The following KMT2C variants were observed in gnomAD, a reference collection of about 807,000 sequenced individuals.
KMT2C encodes lysine methyltransferase 2C.
In KMT2C, 88 loss-of-function variants were observed where a neutral mutation model predicts 507.9. The observed-to-expected ratio is 0.17, with a 90% CI of 0.15 to 0.21. The LOEUF (loss-of-function observed/expected upper bound fraction) is 0.21, where lower values mean the gene tolerates loss of function less well. KMT2C is among the 10% of genes least tolerant of loss of function. The pLI is 1.00. For missense variants in KMT2C, 4,954 were observed against 5,957.8 expected, an observed-to-expected ratio of 0.83 and a Z score of 5.55; for synonymous variants, 2,049 against 2,080.8, an observed-to-expected ratio of 0.98 and a Z score of 0.42.
intron 9 of KMT2C, among the ~76,000 whole-genome samples, chr7:152,261,210 A>G (rs1157224397): frequency 6.6e-6 from 1 of 152,410 alleles, no homozygotes; most frequent in African/African-American, 2.4e-5. Flanking sequence ...AGGCAAAGCA[A>G]AATACCTGCC....
chr7:152,256,200 C>T (rs1286991865), intron 9 of KMT2C, among the ~76,000 whole-genome samples: 1 of 151,902 alleles, frequency 6.6e-6, no homozygotes, highest in Non-Finnish European at 1.5e-5. Flanking sequence ...AACTGCAAAT[C>T]CTAGCAGAAA....
intron 26 of KMT2C, among the ~76,000 whole-genome samples, chr7:152,201,604 C>A (rs1295822010): frequency 1.2e-4 from 2 of 17,024 alleles, no homozygotes; most frequent in Non-Finnish European, 1.3e-4. Flanking sequence ...CAGGAGAAAA[C>A]AACAACAAAG....
chr7:152,308,988 T>C (rs2096645774), intron 6 of KMT2C, among the ~76,000 whole-genome samples: 1 of 152,184 alleles, frequency 6.6e-6, no homozygotes, highest in African/African-American at 2.4e-5. Context: ...TGGCAGACTA[T>C]GCACATATTA....
In KMT2C at chr7:152,181,284, T is replaced by C; in HGVS notation, c.6576A>G (p.Thr2192=). The C allele has an allele frequency of 6.2e-7, 1 of 1,613,920 alleles. No homozygotes were observed. Among genetic ancestry groups the C allele is most frequent in the Non-Finnish European group, 8.5e-7 (1 of 1,179,994 alleles). ...CAGAATGCCTCTGATTTGTTACAGG[T>C]GTAACAAACAAGTCAGTTTGTGTAG... is the stretch of plus-strand genomic sequence containing the variant. ...RPSTQTDLFV[T]PVTNQRHSDP... Residue 2192 remains threonine (T), a synonymous_variant, in exon 36 of 59, where the codon ACA becomes ACG. Coordinates refer to ENST00000262189, the MANE Select transcript of KMT2C (RefSeq NM_170606.3).
chr7:152,238,310 C>G (rs4024428), intron 15 of KMT2C, among the ~76,000 whole-genome samples: 1 of 139,872 alleles, frequency 7.1e-6, no homozygotes, highest in Non-Finnish European at 1.6e-5. Flanking sequence ...AAGGTATTAA[C>G]CAGACAATGA....
intron 3 of KMT2C, among the ~76,000 whole-genome samples, chr7:152,327,953 G>A (rs1589220005): frequency 3.7e-5 from 4 of 109,346 alleles, no homozygotes; most frequent in South Asian, 2.8e-4. Context: ...GCGAGACTCC[G>A]CCTCAAAAAA....
At chr7:152,364,846 T>C (rs1010458465) in intron 1 of KMT2C, among the ~76,000 whole-genome samples, 10 of 151,572 alleles carry the variant, frequency 6.6e-5, no homozygotes, top group African/African-American at 2.4e-4. Context: ...GACAAAAAAA[T>C]TGTTTAGTGA....
At chr7:152,314,655 A>G (rs1442170763) in intron 4 of KMT2C, among the ~76,000 whole-genome samples, 1 of 152,194 alleles carries the variant, frequency 6.6e-6, no homozygotes, top group Non-Finnish European at 1.5e-5. Context: ...TAAATTAAAT[A>G]AATGACTGAA....
chr7:152,179,287 C>A (rs886877898), intron 37 of KMT2C, among the ~76,000 whole-genome samples: 1 of 152,234 alleles, frequency 6.6e-6, no homozygotes, highest in African/African-American at 2.4e-5. Context: ...TGAGCCACTG[C>A]GCCCAGCCTA....
intron 6 of KMT2C, among the ~76,000 whole-genome samples, chr7:152,296,445 AAGAGAGAG>A (rs367694956): frequency 1.8e-4 from 27 of 149,498 alleles, no homozygotes; most frequent in Non-Finnish European, 3.4e-4. Context: ...AAAAAAAAAA[AAGAGAGAG>A]AGAGAGAGAG....
intron 27 of KMT2C, 46 bp from the exon 28 acceptor site, chr7:152,196,057 A>G (rs959300394): frequency 8.6e-7 from 1 of 1,159,686 alleles, no homozygotes; most frequent in East Asian, 2.6e-5. Context: ...ATTTTCTCAG[A>G]TATTAAGCCA....
At chr7:152,254,855 T>C (rs1300419960) in intron 9 of KMT2C, among the ~76,000 whole-genome samples, 1 of 151,804 alleles carries the variant, frequency 6.6e-6, no homozygotes, top group African/African-American at 2.4e-5. Context: ...AACAAAGTAC[T>C]AGGATATAAA....
In KMT2C at chr7:152,138,637, G is replaced by A. The variant is rs1410549272; in HGVS notation, c.14643+159C>T. The stretch of plus-strand genomic sequence containing the variant: ...AGGAAGGTGAACTGGAGTGCCTGAA[G>A]GGTGAGATACTGCAGGGTGGGAACA... On this transcript the variant is annotated intron_variant, in intron 58 of 58. Coordinates refer to ENST00000262189, the MANE Select transcript of KMT2C (RefSeq NM_170606.3). This position sits in a 1 kb window ranked among gnomAD's most constrained non-coding sequence, Gnocchi z 4.2. 1 of 546,312 alleles carries A rather than the reference G, an allele frequency of 1.8e-6. No homozygotes were observed. The highest frequency in any genetic ancestry group is 3.2e-6 in the Non-Finnish European group (1 of 307,912). 33.8% of individuals were successfully genotyped at this position (546,312 alleles called of 1,614,324 possible).
chr7:152,271,836 T>C (rs1480181598), intron 7 of KMT2C, among the ~76,000 whole-genome samples: 1 of 152,144 alleles, frequency 6.6e-6, no homozygotes, highest in African/African-American at 2.4e-5. Context: ...TTTCATTGCA[T>C]TGTATCAAGT....
intron 3 of KMT2C, among the ~76,000 whole-genome samples, chr7:152,326,997 A>T (rs527593033): frequency 6.6e-6 from 1 of 152,368 alleles, no homozygotes; most frequent in Admixed American, 6.5e-5. Flanking sequence ...CGGAGCTTGG[A>T]ATAAACACCA....
In KMT2C at chr7:152,182,298, A is replaced by G. The variant is rs370922370; in HGVS notation, c.5562T>C (p.Pro1854=). The G allele has an allele frequency of 1.9e-6, 3 of 1,613,994 alleles. No individual in the cohort carries two copies. The African/African-American group carries it at 4.0e-5, about 22-fold the overall frequency. Residue 1854 remains proline, a synonymous_variant, in exon 36 of 59, where the codon CCT becomes CCC. Coordinates refer to ENST00000262189, the MANE Select transcript of KMT2C (RefSeq NM_170606.3). ...GAATCCGGGATGGGGCTGGAGGAGG[A>G]GGTGGAGCTTGTGGCTTTACAAACA... ...DDVFVKPQAP[P]PPPAPSRIPI... is the part of the protein sequence containing the mutation.
chr7:152,320,861 A>G (rs1009034463), intron 3 of KMT2C, among the ~76,000 whole-genome samples: 1 of 152,092 alleles, frequency 6.6e-6, no homozygotes, highest in South Asian at 2.1e-4. Flanking sequence ...CATGATACAT[A>G]GCAAGTGACC....
intron 18 of KMT2C, among the ~76,000 whole-genome samples, chr7:152,226,080 G>A (rs1346738359): frequency 6.6e-6 from 1 of 151,906 alleles, no homozygotes; most frequent in Non-Finnish European, 1.5e-5. Context: ...ACAAAATCTA[G>A]CATTGATAAA....
intron 7 of KMT2C, among the ~76,000 whole-genome samples, chr7:152,273,135 A>G (rs1273525509): frequency 6.6e-5 from 10 of 152,216 alleles, no homozygotes; most frequent in Admixed American, 6.5e-4. Flanking sequence ...AAACATTTTC[A>G]TTGAATTATA....
Sources: allele counts gnomAD v4.1 joint callset (sites outside exome capture counted in the v4.1 genomes callset), GRCh38; gene constraint gnomAD v4.1.1; non-coding constraint Gnocchi (gnomAD v3.1); transcripts MANE v1.5; gene names NCBI Gene and HGNC (gene_info 2026-07-23, HGNC 2026-07-21).